The following CSMD1 variants were observed in gnomAD, a reference collection of about 807,000 sequenced individuals.
CSMD1 encodes CUB and Sushi multiple domains 1, also known as CUB and sushi domain-containing protein 1.
A neutral mutation model predicts 417.5 loss-of-function variants in CSMD1; 213 were observed. The observed-to-expected ratio is 0.51, with a 90% CI of 0.46 to 0.57. CSMD1 has a LOEUF of 0.57. CSMD1 is among the 20% of genes least tolerant of loss of function. The pLI is 0.00. For synonymous variants in CSMD1, 2,862 were observed against 1,736.8 expected, an observed-to-expected ratio of 1.65 and a Z score of -16.11; for missense variants, 6,923 against 4,529.7, an observed-to-expected ratio of 1.53 and a Z score of -15.17.
intron 3 of CSMD1, among the ~76,000 whole-genome samples, chr8:4,110,477 G>A (rs1801793234): frequency 6.6e-6 from 1 of 152,078 alleles, no homozygotes; most frequent in South Asian, 2.1e-4. Context: ...AATACTCCAA[G>A]AAATGTTAAC....
At chr8:4,488,971 G>A (rs1485679463) in intron 2 of CSMD1, among the ~76,000 whole-genome samples, 1 of 152,140 alleles carries the variant, frequency 6.6e-6, no homozygotes, top group Non-Finnish European at 1.5e-5. Context: ...AAGTGCAGTG[G>A]CGCGATCTTG....
chr8:3,952,962 C>G (rs1286608523), intron 5 of CSMD1, among the ~76,000 whole-genome samples: 6 of 151,718 alleles, frequency 4.0e-5, no homozygotes. Flanking sequence ...ACAAAACAAC[C>G]TTCCAGAATA....
chr8:4,612,389 T>C (rs141032663), intron 2 of CSMD1, among the ~76,000 whole-genome samples: 135 of 152,082 alleles, frequency 8.9e-4, no homozygotes, highest in African/African-American at 3.2e-3. Context: ...ATCGTACAAG[T>C]CTACACTGGA....
At chr8:3,608,337 G>C (rs1801722403) in intron 8 of CSMD1, among the ~76,000 whole-genome samples, 1 of 152,152 alleles carries the variant, frequency 6.6e-6, no homozygotes. Flanking sequence ...GGGCCACATT[G>C]TGGAAGAAAA....
At chr8:4,283,283 C>A (rs1479514862) in intron 3 of CSMD1, among the ~76,000 whole-genome samples, 4 of 152,178 alleles carry the variant, frequency 2.6e-5, no homozygotes, top group Non-Finnish European at 4.4e-5. Context: ...CATTTTCCAT[C>A]TGTGACATTT....
At chr8:4,701,551 C>A (rs1471946603) in intron 1 of CSMD1, among the ~76,000 whole-genome samples, 1 of 152,094 alleles carries the variant, frequency 6.6e-6, no homozygotes. Flanking sequence ...TGGGAGGGAG[C>A]AATACAGTAC....
chr8:3,728,699 T>C (rs1802639158), intron 6 of CSMD1, among the ~76,000 whole-genome samples: 1 of 151,902 alleles, frequency 6.6e-6, no homozygotes, highest in African/African-American at 2.4e-5. Context: ...TCTTGTAATC[T>C]TGCAAATGAT....
chr8:3,624,140 T>C (rs1047856000), intron 7 of CSMD1, among the ~76,000 whole-genome samples: 2 of 152,142 alleles, frequency 1.3e-5, no homozygotes, highest in African/African-American at 4.8e-5. Flanking sequence ...ATTTAATTAA[T>C]AATAAAAATA....
At chr8:3,091,977 G>A (rs1258752573) in intron 47 of CSMD1, among the ~76,000 whole-genome samples, 1 of 152,112 alleles carries the variant, frequency 6.6e-6, no homozygotes, top group Non-Finnish European at 1.5e-5. Flanking sequence ...TTACAATATT[G>A]TACTTACACA....
At chr8:4,373,417 G>A (rs1017597190) in intron 3 of CSMD1, among the ~76,000 whole-genome samples, 2 of 152,194 alleles carry the variant, frequency 1.3e-5, no homozygotes, top group Non-Finnish European at 2.9e-5. Flanking sequence ...AACAACAGAG[G>A]AGACAGAGTG....
chr8:4,051,965 G>C (rs1235651667), intron 3 of CSMD1, among the ~76,000 whole-genome samples: 1 of 146,004 alleles, frequency 6.8e-6, no homozygotes, highest in African/African-American at 2.5e-5. Flanking sequence ...CACTCTTGTT[G>C]CCCAGGCTGG....
At chr8:4,867,734 T>A (rs1304930605) in intron 1 of CSMD1, among the ~76,000 whole-genome samples, 1 of 152,150 alleles carries the variant, frequency 6.6e-6, no homozygotes, top group Non-Finnish European at 1.5e-5. Context: ...AATGCCGTAT[T>A]AGTATTCAAT....
intron 3 of CSMD1, among the ~76,000 whole-genome samples, chr8:4,348,663 G>T (rs1317114468): frequency 1.3e-5 from 2 of 150,608 alleles, no homozygotes; most frequent in African/African-American, 4.9e-5. Context: ...GAGAGAGAGA[G>T]AGAGAGACTC....
At chr8:3,653,603 C>T (rs1213923769) in intron 7 of CSMD1, among the ~76,000 whole-genome samples, 1 of 152,174 alleles carries the variant, frequency 6.6e-6, no homozygotes, top group Admixed American at 6.5e-5. Context: ...GCCACCCTGC[C>T]TGGCCAGTTA....
intron 9 of CSMD1, among the ~76,000 whole-genome samples, 155 bp downstream of exon 9, chr8:3,585,981 G>A (rs911815749): frequency 6.6e-6 from 1 of 152,068 alleles, no homozygotes; most frequent in Non-Finnish European, 1.5e-5. Flanking sequence ...CCAAGGAAAG[G>A]TTTCTGTTAT....
At chr8:4,656,247 C>T (rs551075228) in intron 1 of CSMD1, among the ~76,000 whole-genome samples, 1 of 151,972 alleles carries the variant, frequency 6.6e-6, no homozygotes, top group African/African-American at 2.4e-5. Flanking sequence ...AGGAGCCAGA[C>T]TTTCAGGGGG....
chr8:4,840,110 A>G (rs1298651039), intron 1 of CSMD1, among the ~76,000 whole-genome samples: 1 of 18,118 alleles, frequency 5.5e-5, no homozygotes, highest in Non-Finnish European at 1.9e-4. Context: ...ACTCACTTAG[A>G]CTCCACGGAG....
At chr8:4,479,453 A>C (rs1435590015) in intron 2 of CSMD1, among the ~76,000 whole-genome samples, 1 of 152,238 alleles carries the variant, frequency 6.6e-6, no homozygotes, top group Non-Finnish European at 1.5e-5. Context: ...TATTTGGTGC[A>C]ACTTACCATA....
At chr8:4,808,927 C>G (rs1421374381) in intron 1 of CSMD1, among the ~76,000 whole-genome samples, 2 of 152,154 alleles carry the variant, frequency 1.3e-5, no homozygotes, top group African/African-American at 4.8e-5. Flanking sequence ...TATTTGGGGT[C>G]AGAGATAGAA....
Sources: allele counts gnomAD v4.1 joint callset (sites outside exome capture counted in the v4.1 genomes callset), GRCh38; gene constraint gnomAD v4.1.1; transcripts MANE v1.5; gene names NCBI Gene and HGNC (gene_info 2026-07-23, HGNC 2026-07-21).